The following RORA variants were observed in gnomAD, a reference collection of about 807,000 sequenced individuals.
RORA encodes nuclear receptor ROR-alpha.
In RORA, 7 loss-of-function variants were observed where a neutral mutation model predicts 69.5. The ratio of observed to expected loss-of-function variants is 0.10; its 90% confidence interval spans 0.06 to 0.19. RORA has a LOEUF of 0.19. Among genes scored for constraint, RORA ranks in the 10% least tolerant of loss-of-function variants. RORA has a pLI of 1.00. For synonymous variants in RORA, 261 were observed against 240.8 expected (o/e 1.08, Z -0.78); for missense variants, 457 against 663.0 (o/e 0.69, Z 3.41).
intron 2 of RORA, among the ~76,000 whole-genome samples, chr15:60,667,138 G>A (rs1306591404): frequency 6.6e-6 from 1 of 152,182 alleles, no homozygotes; most frequent in African/African-American, 2.4e-5. Context: ...CACACAGTGA[G>A]TCTTGGTACC....
At chr15:60,860,055 G>A (rs1185215672) in intron 1 of RORA, among the ~76,000 whole-genome samples, 5 of 152,136 alleles carry the variant, frequency 3.3e-5, no homozygotes, top group South Asian at 2.1e-4. Context: ...ACACTTCATC[G>A]AATGTGGCTG....
intron 1 of RORA, among the ~76,000 whole-genome samples, chr15:61,047,929 A>G (rs572869509): frequency 6.6e-6 from 1 of 152,332 alleles, no homozygotes; most frequent in Admixed American, 6.5e-5. Flanking sequence ...AAACCAAGAC[A>G]CTTCTTCCTA....
chr15:60,877,592 T>C (rs1440793651), intron 1 of RORA, among the ~76,000 whole-genome samples: 1 of 152,228 alleles, frequency 6.6e-6, no homozygotes, highest in Non-Finnish European at 1.5e-5. Context: ...CTCTCATTGT[T>C]ATTATAACAC....
intron 1 of RORA, among the ~76,000 whole-genome samples, chr15:60,918,575 A>G (rs1269741027): frequency 6.6e-6 from 1 of 152,250 alleles, no homozygotes; most frequent in African/African-American, 2.4e-5. Flanking sequence ...TTACCCATTA[A>G]TGACATGATT....
At chr15:60,859,647 CTT>C (rs1455218748) in intron 1 of RORA, among the ~76,000 whole-genome samples, 2 of 70,914 alleles carry the variant, frequency 2.8e-5, no homozygotes, top group Non-Finnish European at 5.9e-5. Context: ...TTCTTTCTTT[CTT>C]TCTTTCTTTT....
chr15:60,692,227 A>G (rs1470679317), intron 1 of RORA, among the ~76,000 whole-genome samples: 1 of 152,214 alleles, frequency 6.6e-6, no homozygotes, highest in African/African-American at 2.4e-5. Context: ...TTAAAAAAAT[A>G]CACTTTATTT....
chr15:60,896,484 A>C (rs1891234323), intron 1 of RORA, among the ~76,000 whole-genome samples: 1 of 152,228 alleles, frequency 6.6e-6, no homozygotes, highest in East Asian at 1.9e-4. Context: ...CCACACAGGA[A>C]GTCTTAGTTA....
In RORA at chr15:60,929,232, G is replaced by C. The variant is rs189446316; in HGVS notation, c.167-250546C>G. On this transcript the variant is annotated intron_variant, in intron 1 of 10. Coordinates refer to ENST00000335670, the MANE Select transcript of RORA (RefSeq NM_134261.3). ...GAGGCAAGCGCTCATTCACAGTCTG[G>C]TGCAACATGTTAAGATTTATTCCTG... Among the ~76,000 whole-genome samples the C allele has an allele frequency of 2.2e-3, 337 of 152,222 alleles. 1 individual carries two copies. Among genetic ancestry groups the C allele is most frequent in the Middle Eastern group, 6.8e-3 (2 of 294 alleles).
At chr15:60,501,194 A>C in intron 8 of RORA, 125 bp from the exon 9 acceptor site, 2 of 647,182 alleles carry the variant, frequency 3.1e-6, no homozygotes, top group Non-Finnish European at 5.5e-6. Flanking sequence ...AAACATGGGG[A>C]AGGTGAAGAG....
chr15:61,048,372 C>T (rs62005636), intron 1 of RORA, among the ~76,000 whole-genome samples: 4,934 of 152,298 alleles, frequency 0.032, 119 homozygotes, highest in Non-Finnish European at 0.05. Context: ...GTGAGCCAGG[C>T]CTTCTGAGGC....
At chr15:60,806,915 G>A (rs1330360644) in intron 1 of RORA, among the ~76,000 whole-genome samples, 4 of 152,068 alleles carry the variant, frequency 2.6e-5, no homozygotes. Flanking sequence ...TGTACCTTAA[G>A]GTAAGAAAAA....
chr15:60,727,730 C>G (rs548606674), intron 1 of RORA, among the ~76,000 whole-genome samples: 1 of 152,076 alleles, frequency 6.6e-6, no homozygotes, highest in Non-Finnish European at 1.5e-5. Context: ...TTACATGAAC[C>G]GGCCATCGCT....
chr15:61,074,192 A>G (rs1185323775), intron 1 of RORA, among the ~76,000 whole-genome samples: 1 of 152,222 alleles, frequency 6.6e-6, no homozygotes, highest in African/African-American at 2.4e-5. Context: ...TGAACGCTTG[A>G]GAGGATAAGC....
intron 1 of RORA, among the ~76,000 whole-genome samples, chr15:60,956,283 A>G (rs1169435787): frequency 3.3e-5 from 5 of 152,062 alleles, no homozygotes; most frequent in African/African-American, 9.7e-5. Context: ...ATAATGCTTT[A>G]TAGTTTACAA....
At chr15:61,035,663 G>C (rs1057120623) in intron 1 of RORA, among the ~76,000 whole-genome samples, 15 of 152,098 alleles carry the variant, frequency 9.9e-5, no homozygotes. Context: ...ATAGGTGTCT[G>C]AATCACTCAC....
At chr15:60,876,381 G>GT (rs2073616467) in intron 1 of RORA, among the ~76,000 whole-genome samples, 1 of 147,796 alleles carries the variant, frequency 6.8e-6, no homozygotes, top group African/African-American at 2.5e-5. Context: ...TTGACAAATG[G>GT]TTTTGCTGAC....
chr15:60,752,453 G>T (rs1290740374), intron 1 of RORA, among the ~76,000 whole-genome samples: 1 of 152,098 alleles, frequency 6.6e-6, no homozygotes, highest in African/African-American at 2.4e-5. Flanking sequence ...ATCTATTTTA[G>T]TGGCTCCCCT....
At chr15:60,790,231 A>T (rs546779761) in intron 1 of RORA, among the ~76,000 whole-genome samples, 1 of 152,360 alleles carries the variant, frequency 6.6e-6, no homozygotes, top group South Asian at 2.1e-4. Context: ...CTGACCTGCA[A>T]ACCAGAGAGT....
chr15:60,813,073 CT>C (rs1349743398), intron 1 of RORA, among the ~76,000 whole-genome samples: 6 of 152,104 alleles, frequency 3.9e-5, no homozygotes, highest in Non-Finnish European at 8.8e-5. Context: ...CTTTCTCTAT[CT>C]TGTTTCTCTG....
Sources: allele counts gnomAD v4.1 joint callset (sites outside exome capture counted in the v4.1 genomes callset), GRCh38; gene constraint gnomAD v4.1.1; transcripts MANE v1.5; gene names NCBI Gene and HGNC (gene_info 2026-07-23, HGNC 2026-07-21).